Variants in CRACDL observed in about 807,000 individuals in gnomAD.
CRACDL encodes CRACD-like protein.
In CRACDL, 26 loss-of-function variants were observed where a neutral mutation model predicts 70.6. That is an observed-to-expected ratio of 0.37 (90% CI 0.27 to 0.51). CRACDL has a LOEUF of 0.51. Among genes scored for constraint, CRACDL ranks in the 20% least tolerant of loss-of-function variants. The pLI is 0.94. For missense variants in CRACDL, 1,283 were observed against 1,376.9 expected, an observed-to-expected ratio of 0.93 and a Z score of 1.08; for synonymous variants, 618 against 615.2, an observed-to-expected ratio of 1.00 and a Z score of -0.07.
At chr2:98,801,030 A>G (rs1704053174) in intron 7 of CRACDL, among the ~76,000 whole-genome samples, 1 of 152,210 alleles carries the variant, frequency 6.6e-6, no homozygotes, top group Non-Finnish European at 1.5e-5. Flanking sequence ...CTGTGGGATA[A>G]GGTAACCTGC....
intron 7 of CRACDL, among the ~76,000 whole-genome samples, chr2:98,804,028 G>C (rs1010294204): frequency 6.6e-6 from 1 of 152,118 alleles, no homozygotes; most frequent in Admixed American, 6.5e-5. Flanking sequence ...GCCATTTATT[G>C]ATCTGTTGTC....
chr2:98,866,475 C>CTTTTTTTTTTTTTT (rs1173322192), intron 1 of CRACDL, among the ~76,000 whole-genome samples: 5 of 43,268 alleles, frequency 1.2e-4, no homozygotes, highest in Admixed American at 3.3e-4. Context: ...ATCACTTCTT[C>CTTTTTTTTTTTTTT]TTTTTTTTTT....
rs1400573469 is a variant in CRACDL, at chr2:98,846,787, C to T, written c.14G>A (p.Arg5Lys). 6.2e-7 allele frequency: 1 copy of T among 1,614,172 alleles called. No homozygotes were observed. MIST[R>K]VMDIKLREAA... is the part of the protein sequence containing the mutation. ...CTCCCGAAGCTTAATGTCCATCACC[C>T]TTGTGGAAATCATGTCAAGCTCGCT... Residue 5 changes from arginine to lysine, a missense_variant, in exon 2 of 10, where the codon AGG becomes AAG. By Grantham distance (26) the Arg-to-Lys change is conservative. Transcript: ENST00000397899.
chr2:98,902,711 G>A (rs557525878), intron 1 of CRACDL, among the ~76,000 whole-genome samples: 13 of 152,142 alleles, frequency 8.5e-5, no homozygotes, highest in Admixed American at 7.8e-4. Context: ...TCTCATCACC[G>A]GGCAAACTCT....
intron 1 of CRACDL, among the ~76,000 whole-genome samples, chr2:98,928,448 G>A (rs981172336): frequency 6.6e-6 from 1 of 152,178 alleles, no homozygotes; most frequent in Admixed American, 6.5e-5. Flanking sequence ...CAGCCTGACT[G>A]AGGTGAGGGA....
intron 1 of CRACDL, among the ~76,000 whole-genome samples, chr2:98,931,356 C>G (rs1306430016): frequency 6.7e-6 from 1 of 150,046 alleles, no homozygotes; most frequent in Non-Finnish European, 1.5e-5. Context: ...GACACTAGAG[C>G]CTGACTCCCC....
rs1705111694 is a variant in CRACDL, at chr2:98,822,583, C to T, written c.1690G>A (p.Gly564Ser). The change falls in exon 7 of 10, where the codon GGC (glycine) becomes AGC (serine). Residue 564 changes from glycine (G) to serine (S), a missense_variant. Physicochemically the swap from Gly to Ser is moderately conservative, Grantham distance 56 (BLOSUM62 0). Transcript: ENST00000397899. The surrounding 1 kb of genome is among the most constrained non-coding windows in gnomAD (Gnocchi z 4.9). ...RAAPERKAER[G>S]GAELRGAKKF... is the part of the protein sequence containing the mutation. ...TTCGCGCCTCGCAGCTCGGCACCGC[C>T]CCTCTCCGCCTTCCGCTCTGGCGCC... The T allele has an allele frequency of 3.5e-6, 5 of 1,446,466 alleles. No homozygotes were observed. The highest frequency in any genetic ancestry group is 4.5e-6 in the Non-Finnish European group (5 of 1,105,940). The allele number at this position is 1,446,466 out of a possible 1,614,324, so 89.6% of individuals were successfully genotyped here.
In CRACDL at chr2:98,891,376, C is replaced by CAAAAAAAAAAAAAAAAAAAAAAAAAA. The variant is rs548988640; in HGVS notation, c.-11+44536_-11+44561dup. Among the ~76,000 whole-genome samples, 5 of 37,902 alleles carry CAAAAAAAAAAAAAAAAAAAAAAAAAA rather than the reference C, an allele frequency of 1.3e-4. 1 individual carries two copies. The highest frequency in any genetic ancestry group is 2.8e-4 in the Admixed American group (1 of 3,582). The allele number at this position is 37,902 out of a possible 152,430, so 24.9% of individuals were successfully genotyped here. A position where few individuals can be genotyped will look rare whatever the true frequency, so the allele number is the denominator to read the frequency against. ...TGGGTGACAGAGGGAGACTCCGTCT[C>CAAAAAAAAAAAAAAAAAAAAAAAAAA]AAAAAAAAAAAAAAAAAAAAAAAAA... On this transcript the variant is annotated intron_variant, in intron 1 of 9. Transcript: ENST00000397899.
At chr2:98,843,791 G>A (rs1706134741) in intron 2 of CRACDL, among the ~76,000 whole-genome samples, 1 of 152,112 alleles carries the variant, frequency 6.6e-6, no homozygotes, top group Non-Finnish European at 1.5e-5. Flanking sequence ...AAAACAGGTA[G>A]TATGAAGCTT....
intron 7 of CRACDL, among the ~76,000 whole-genome samples, chr2:98,816,948 C>G (rs139310386): frequency 9.7e-4 from 147 of 152,284 alleles, no homozygotes; most frequent in Non-Finnish European, 1.5e-3. Flanking sequence ...GCGGAAACAG[C>G]CTAAATGTGT....
chr2:98,865,398 C>T (rs1434596938), intron 1 of CRACDL, among the ~76,000 whole-genome samples: 2 of 152,102 alleles, frequency 1.3e-5, no homozygotes. Context: ...ACCCATTTTA[C>T]ATGTATACAT....
intron 1 of CRACDL, chr2:98,897,297 T>C: frequency 1.0e-6 from 1 of 978,192 alleles, no homozygotes; most frequent in Non-Finnish European, 1.4e-6. Flanking sequence ...GGTTTGTTCC[T>C]TTTACCCTTC....
chr2:98,915,542 G>A (rs1330048499), intron 1 of CRACDL, among the ~76,000 whole-genome samples: 1 of 152,138 alleles, frequency 6.6e-6, no homozygotes, highest in Non-Finnish European at 1.5e-5. Flanking sequence ...CCTCATGAAA[G>A]TCACCTAGAT....
At chr2:98,827,289 G>C (rs1005851121) in intron 5 of CRACDL, 120 bp from the exon 6 acceptor site, 2 of 680,546 alleles carry the variant, frequency 2.9e-6, no homozygotes, top group Non-Finnish European at 5.0e-6. Flanking sequence ...CTGGCTTTAC[G>C]TGTGTGGAAA....
intron 7 of CRACDL, 56 bp from the exon 8 acceptor site, chr2:98,797,593 C>G: frequency 6.5e-7 from 1 of 1,530,856 alleles, no homozygotes; most frequent in Non-Finnish European, 9.0e-7. Context: ...TTCGGTTGCA[C>G]CCTTTGTGTC....
At chr2:98,926,026 G>A (rs1708902445) in intron 1 of CRACDL, among the ~76,000 whole-genome samples, 1 of 152,066 alleles carries the variant, frequency 6.6e-6, no homozygotes, top group African/African-American at 2.4e-5. Flanking sequence ...CAATTTTTAA[G>A]ATCTCATTTT....
At position 98,870,758 on chromosome 2, in the gene CRACDL, C is replaced by T. The variant is rs1282823845; in HGVS notation, c.-10-23948G>A. ...GGGCCGGGTTGAGCATGCAGCTTGC[C>T]TCTGCTGCTTGCTTTCGCCTGCTCT... is the stretch of plus-strand genomic sequence containing the variant. On this transcript the variant is annotated intron_variant, in intron 1 of 9. Coordinates refer to ENST00000397899, the MANE Select transcript of CRACDL (RefSeq NM_207362.3). Among the ~76,000 whole-genome samples the T allele has an allele frequency of 2.0e-5, 3 of 152,222 alleles. No individual in the cohort carries two copies. The East Asian group carries it at 5.8e-4, about 29-fold the overall frequency.
At position 98,823,390 on chromosome 2, in the gene CRACDL, G is replaced by T; in HGVS notation, c.883C>A (p.Pro295Thr). The T allele has an allele frequency of 6.5e-7, 1 of 1,544,918 alleles. No individual in the cohort carries two copies. Among genetic ancestry groups the T allele is most frequent in the Non-Finnish European group, 8.7e-7 (1 of 1,153,378 alleles). The change falls in exon 7 of 10, where the codon CCA becomes ACA. Residue 295 changes from proline to threonine, a missense_variant. Around this residue, in one of 2 missense-constraint regions of CRACDL, gnomAD observed 362 missense variants for 495.0 expected, o/e 0.73. Transcript: ENST00000397899. The surrounding 1 kb of genome is among the most constrained non-coding windows in gnomAD (Gnocchi z 4.0). Reference sequence around the variant, plus strand: ...CCGGGTGGCGGCAAGGGCGCCGGTGGCCCAGGCTCAGGGCCTCTGTCTGGC... The same window carrying T: ...CCGGGTGGCGGCAAGGGCGCCGGTGTCCCAGGCTCAGGGCCTCTGTCTGGC... ...VAPDRGPEPGPPAPLPPPGGA... is the reference protein window; with the variant it reads ...VAPDRGPEPGTPAPLPPPGGA...
chr2:98,901,270 G>A (rs1708273189), intron 1 of CRACDL, among the ~76,000 whole-genome samples: 1 of 152,200 alleles, frequency 6.6e-6, no homozygotes. Context: ...TGACCATGAT[G>A]GGCCACTGAG....
Sources: gnomAD v4.1 joint callset for allele counts (sites outside exome capture counted in the v4.1 genomes callset) on GRCh38, gnomAD v4.1.1 for gene constraint, gnomAD v4.1.1 regional missense constraint, Gnocchi (gnomAD v3.1) non-coding constraint, MANE v1.5 for transcripts, NCBI Gene and HGNC (gene_info 2026-07-23, HGNC 2026-07-21) for gene names.